SINHCAF: variants seen among roughly 807,000 people sequenced by gnomAD.
The protein encoded by SINHCAF is SIN3-HDAC complex associated factor.
In SINHCAF, 3 loss-of-function variants were observed where a neutral mutation model predicts 25.8. That is an observed-to-expected ratio of 0.12 (90% CI 0.05 to 0.30). The LOEUF (loss-of-function observed/expected upper bound fraction) is 0.30, where lower values mean the gene tolerates loss of function less well. Among genes scored for constraint, SINHCAF ranks in the 10% least tolerant of loss-of-function variants. The pLI is 1.00. For missense variants in SINHCAF, 121 were observed against 262.3 expected, an observed-to-expected ratio of 0.46 and a Z score of 3.72; for synonymous variants, 70 against 85.5, an observed-to-expected ratio of 0.82 and a Z score of 1.00.
intron 1 of SINHCAF, among the ~76,000 whole-genome samples, chr12:31,320,544 G>A (rs1286033602): frequency 6.6e-6 from 1 of 152,054 alleles, no homozygotes; most frequent in African/African-American, 2.4e-5. Flanking sequence ...ACACAGAAAC[G>A]GGTAGAATTT....
intron 1 of SINHCAF, among the ~76,000 whole-genome samples, chr12:31,312,850 A>T (rs1216996244): frequency 6.6e-6 from 1 of 152,192 alleles, no homozygotes; most frequent in East Asian, 1.9e-4. Context: ...CAGGTCGGGA[A>T]AATAATCTCC....
rs1297994592 is a variant in SINHCAF, at chr12:31,280,811, T to C, written c.*1901A>G. 3 of 152,290 alleles carry C rather than the reference T, an allele frequency of 2.0e-5. No homozygotes were observed. Among genetic ancestry groups the C allele is most frequent in the South Asian group, 2.1e-4 (1 of 4,826 alleles). The allele number at this position is 152,290 out of a possible 1,614,324, so 9.4% of individuals were successfully genotyped here. On this transcript the variant is annotated 3_prime_UTR_variant, in exon 6 of 6. Coordinates refer to ENST00000337682, the MANE Select transcript of SINHCAF (RefSeq NM_001135812.2). ...TAAATAAATACAGAAGTAGAGATGA[T>C]CCATATTATAGTATATTCTACCACC...
rs1939883623 is a variant in SINHCAF at position 31,324,715 on chromosome 12, A to T, written c.-21+1309T>A. ...CATCAGGGATGTCGGAGCGTTTCGC[A>T]GGGGCCGGACACTGGACGATCACCC... is the stretch of plus-strand genomic sequence containing the variant. On this transcript the variant is annotated intron_variant, in intron 1 of 5. Coordinates refer to ENST00000337682, the MANE Select transcript of SINHCAF (RefSeq NM_001135812.2). The surrounding 1 kb of genome is among the most constrained non-coding windows in gnomAD (Gnocchi z 5.5). 1.8e-5 allele frequency: 6 copies of T among 337,856 alleles called. No homozygotes were observed. The highest frequency in any genetic ancestry group is 3.5e-5 in the Non-Finnish European group (6 of 169,954). 20.9% of individuals were successfully genotyped at this position (337,856 alleles called of 1,614,324 possible). A position where few individuals can be genotyped will look rare whatever the true frequency, so the allele number is the denominator to read the frequency against.
intron 5 of SINHCAF, among the ~76,000 whole-genome samples, chr12:31,287,121 T>C (rs1938113931): frequency 6.6e-6 from 1 of 152,216 alleles, no homozygotes; most frequent in Non-Finnish European, 1.5e-5. Flanking sequence ...TTTTTCACTT[T>C]TTCTTGAGAC....
At chr12:31,297,597 G>T (rs1486105523) in intron 2 of SINHCAF, among the ~76,000 whole-genome samples, 1 of 149,724 alleles carries the variant, frequency 6.7e-6, no homozygotes, top group Non-Finnish European at 1.5e-5. Flanking sequence ...CTCAGCCTCT[G>T]GAGTAACTGG....
In SINHCAF at chr12:31,282,680, T is replaced by G. The variant is rs753863151; in HGVS notation, c.*32A>C. ...GGTTTTTCAAAATTCAGATATTTTTTTTTTTGTTCCCCTTCTACATAAAAA... is the reference window on the plus strand; with the variant it reads ...GGTTTTTCAAAATTCAGATATTTTTGTTTTTGTTCCCCTTCTACATAAAAA... On this transcript the variant is annotated 3_prime_UTR_variant, in exon 6 of 6. Coordinates refer to ENST00000337682, the MANE Select transcript of SINHCAF (RefSeq NM_001135812.2). 44 of 1,517,478 alleles carry G rather than the reference T, an allele frequency of 2.9e-5. No homozygotes were observed. In the Middle Eastern group the frequency reaches 1.8e-3, roughly 61 times the overall value. 94.0% of individuals were successfully genotyped at this position (1,517,478 alleles called of 1,614,324 possible).
intron 1 of SINHCAF, among the ~76,000 whole-genome samples, chr12:31,308,020 AC>A (rs1267832740): frequency 1.3e-5 from 2 of 152,202 alleles, no homozygotes; most frequent in East Asian, 3.9e-4. Flanking sequence ...GCTCACTGCA[AC>A]CTCTGCCTCC....
rs566336114 is a variant in SINHCAF, at chr12:31,284,047, G to A, written c.507-1176C>T. On this transcript the variant is annotated intron_variant, in intron 5 of 5. Coordinates refer to ENST00000337682, the MANE Select transcript of SINHCAF (RefSeq NM_001135812.2). Reference sequence around the variant, plus strand: ...TCTTATTTTAATGTATAAATCAGTGGACACATCTTAAAGGTTTTTACTAGT... The same window carrying A: ...TCTTATTTTAATGTATAAATCAGTGAACACATCTTAAAGGTTTTTACTAGT... 4.6e-5 allele frequency among the ~76,000 whole-genome samples: 7 copies of A among 152,088 alleles called. No individual in the cohort carries two copies. The South Asian group carries it at 1.5e-3, about 32-fold the overall frequency.
chr12:31,323,193 AG>A (rs1256442218), intron 1 of SINHCAF, among the ~76,000 whole-genome samples: 1 of 152,222 alleles, frequency 6.6e-6, no homozygotes, highest in Non-Finnish European at 1.5e-5. Context: ...CGCCTAAAAA[AG>A]ATCCCCCTTC....
intron 1 of SINHCAF, chr12:31,303,895 T>C (rs1254547235): frequency 6.6e-6 from 1 of 152,176 alleles, no homozygotes; most frequent in Non-Finnish European, 1.5e-5. Context: ...GTGCCTCTTG[T>C]AACCATTTAG....
chr12:31,311,589 C>T (rs1939270972), intron 1 of SINHCAF: 2 of 311,620 alleles, frequency 6.4e-6, no homozygotes, highest in Non-Finnish European at 1.2e-5. Flanking sequence ...TGAGTGGGTC[C>T]CGCAGCCCCC....
Position 31,285,302 on chromosome 12 carries a change from C to T in SINHCAF, c.506+2332G>A, listed in dbSNP as rs146896117. 6.9e-3 allele frequency among the ~76,000 whole-genome samples: 1,052 copies of T among 151,844 alleles called. 16 individuals carry two copies. Among genetic ancestry groups the T allele is most frequent in the African/African-American group, 0.024 (977 of 41,376 alleles). Reference sequence around the variant, plus strand: ...ACTCCGGAGGCTGAGACAGGAAAATCGCTTGAACCCAGGAGGCGGAGGTTG... The same window carrying T: ...ACTCCGGAGGCTGAGACAGGAAAATTGCTTGAACCCAGGAGGCGGAGGTTG... On this transcript the variant is annotated intron_variant, in intron 5 of 5. Transcript: ENST00000337682.
At chr12:31,309,819 C>T (rs1482602735) in intron 1 of SINHCAF, among the ~76,000 whole-genome samples, 1 of 152,028 alleles carries the variant, frequency 6.6e-6, no homozygotes, top group African/African-American at 2.4e-5. Flanking sequence ...GAATGCACCA[C>T]CACGCTCGGC....
At position 31,293,853 on chromosome 12, in the gene SINHCAF, T is replaced by C. The variant is rs780536779; in HGVS notation, c.307A>G (p.Ile103Val). 47 of 1,613,428 alleles carry C rather than the reference T, an allele frequency of 2.9e-5. No homozygotes were observed. Among genetic ancestry groups the C allele is most frequent in the Non-Finnish European group, 3.9e-5 (46 of 1,179,794 alleles). ...KKVKTLSGNR[I>V]KSNQISKLQK... ...AGTTTACTGATCTGGTTGCTTTTTATCCTGTTCCCAGATAGAGTTTTCACT... is the reference window on the plus strand; with the variant it reads ...AGTTTACTGATCTGGTTGCTTTTTACCCTGTTCCCAGATAGAGTTTTCACT... Residue 103 changes from isoleucine to valine, a missense_variant, in exon 4 of 6, where the codon ATA becomes GTA. Ile to Val is a conservative substitution (Grantham distance 29). Transcript: ENST00000337682.
chr12:31,302,500 G>A (rs753253062), intron 1 of SINHCAF, among the ~76,000 whole-genome samples: 1 of 149,432 alleles, frequency 6.7e-6, no homozygotes, highest in Non-Finnish European at 1.5e-5. Context: ...AACCCAAATT[G>A]AGAGACCAAG....
chr12:31,317,419 C>T (rs753631912), intron 1 of SINHCAF, among the ~76,000 whole-genome samples: 3 of 151,278 alleles, frequency 2.0e-5, no homozygotes, highest in Non-Finnish European at 2.9e-5. Flanking sequence ...ATGGTTGAAA[C>T]ACCACAGCAC....
chr12:31,293,346 C>G (rs181298350), intron 4 of SINHCAF, among the ~76,000 whole-genome samples: 354 of 152,246 alleles, frequency 2.3e-3, no homozygotes, highest in African/African-American at 8.1e-3. Flanking sequence ...CACACTGCCC[C>G]TTAAACCTGA....
At chr12:31,296,273 C>T (rs533010315) in intron 2 of SINHCAF, among the ~76,000 whole-genome samples, 15 of 152,136 alleles carry the variant, frequency 9.9e-5, no homozygotes, top group Non-Finnish European at 1.8e-4. Context: ...TCAAGTGATC[C>T]TCCCACCTCA....
chr12:31,316,847 G>C (rs984022673), intron 1 of SINHCAF, among the ~76,000 whole-genome samples: 1 of 152,124 alleles, frequency 6.6e-6, no homozygotes, highest in Non-Finnish European at 1.5e-5. Flanking sequence ...CAGAGAAAAG[G>C]TGATGAATTT....
Sources: allele counts gnomAD v4.1 joint callset (sites outside exome capture counted in the v4.1 genomes callset), GRCh38; gene constraint gnomAD v4.1.1; non-coding constraint Gnocchi (gnomAD v3.1); transcripts MANE v1.5; gene names NCBI Gene and HGNC (gene_info 2026-07-23, HGNC 2026-07-21).